Variants in NTN1 observed in about 807,000 individuals in gnomAD.
The protein encoded by NTN1 is netrin-1.
In NTN1, 11 loss-of-function variants were observed where a neutral mutation model predicts 54.2. The ratio of observed to expected loss-of-function variants is 0.20; its 90% CI spans 0.13 to 0.34. NTN1 has a LOEUF of 0.34. Among genes scored for constraint, NTN1 ranks in the 10% least tolerant of loss-of-function variants. The pLI, the probability that NTN1 is intolerant of heterozygous loss-of-function variation, is 1.00. For synonymous variants in NTN1, 371 were observed against 382.0 expected, an observed-to-expected ratio of 0.97 and a Z score of 0.33; for missense variants, 740 against 893.1, an observed-to-expected ratio of 0.83 and a Z score of 2.18.
At chr17:9,014,956 A>C in the NTN1 span, among the ~76,000 whole-genome samples, 1 of 152,224 alleles carries the variant, frequency 6.6e-6, no homozygotes, top group East Asian at 1.9e-4. Flanking sequence ...TGTGATCTTC[A>C]GCAAATTATT....
intron 5 of NTN1, among the ~76,000 whole-genome samples, chr17:9,200,407 C>T (rs558906584): frequency 4.6e-5 from 7 of 152,304 alleles, no homozygotes; most frequent in South Asian, 2.1e-4. Flanking sequence ...CTCTGCCCGC[C>T]GAGTGGGAGA....
chr17:9,092,292 T>C (rs1010114828), intron 2 of NTN1, among the ~76,000 whole-genome samples: 24 of 151,276 alleles, frequency 1.6e-4, no homozygotes, highest in Admixed American at 9.3e-4. Flanking sequence ...CTCCATTGTA[T>C]GGAGAGGCCA....
intron 2 of NTN1, among the ~76,000 whole-genome samples, chr17:9,110,819 C>A (rs528944185): frequency 6.6e-6 from 1 of 152,174 alleles, no homozygotes; most frequent in African/African-American, 2.4e-5. Flanking sequence ...GTAGCCGCAT[C>A]ATTCCGGCCT....
At chr17:9,004,569 C>T in the NTN1 span, among the ~76,000 whole-genome samples, 1 of 152,224 alleles carries the variant, frequency 6.6e-6, no homozygotes, top group African/African-American at 2.4e-5. Flanking sequence ...TGTTGCGGCA[C>T]CCCCAGCCCA....
the NTN1 span, among the ~76,000 whole-genome samples, chr17:9,016,400 A>G: frequency 6.6e-6 from 1 of 151,846 alleles, no homozygotes; most frequent in Non-Finnish European, 1.5e-5. Flanking sequence ...GAGCTGTTCC[A>G]CCTCTGGAAT....
chr17:9,142,017 C>T (rs1212079140), intron 2 of NTN1, among the ~76,000 whole-genome samples: 1 of 152,212 alleles, frequency 6.6e-6, no homozygotes, highest in African/African-American at 2.4e-5. Context: ...ATCCCAGCTA[C>T]TCAGGAGGCT....
chr17:9,120,218 G>A (rs1339560846), intron 2 of NTN1, among the ~76,000 whole-genome samples: 2 of 150,902 alleles, frequency 1.3e-5, no homozygotes, highest in African/African-American at 4.9e-5. Context: ...CCGGGAGGCA[G>A]AGCTTGCAGT....
intron 6 of NTN1, among the ~76,000 whole-genome samples, chr17:9,229,140 CTG>C (rs1905719775): frequency 1.4e-5 from 2 of 144,572 alleles, no homozygotes; most frequent in Non-Finnish European, 1.5e-5. Flanking sequence ...GAGTGTGTGA[CTG>C]TGGCTGTTTG....
chr17:9,191,333 G>A (rs932667064), intron 5 of NTN1, among the ~76,000 whole-genome samples: 2 of 152,206 alleles, frequency 1.3e-5, no homozygotes, highest in African/African-American at 4.8e-5. Flanking sequence ...GGTGGTGCAT[G>A]CCTGTAATCC....
intron 2 of NTN1, among the ~76,000 whole-genome samples, chr17:9,134,726 A>G (rs1369387322): frequency 6.6e-6 from 1 of 152,134 alleles, no homozygotes; most frequent in African/African-American, 2.4e-5. Flanking sequence ...GGACCCTTCT[A>G]GGTGCGAAGT....
In NTN1 at chr17:9,022,915, G is replaced by A. The variant is rs1401458871; in HGVS notation, c.542G>A (p.Cys181Tyr). Residue 181 changes from cysteine (C) to tyrosine (Y), a missense_variant, in exon 2 of 7, where the codon TGC (cysteine) becomes TAC (tyrosine). Physicochemically the swap from Cys to Tyr is radical, Grantham distance 194 (BLOSUM62 -2). Transcript: ENST00000173229. ...CCCTTCCAGTTCTACTCCACGCAGT[G>A]CCGCAAGATGTACAACCGGCCGCAC... Reference protein sequence around the residue: ...WVPFQFYSTQCRKMYNRPHRA... With the variant: ...WVPFQFYSTQYRKMYNRPHRA... 8 of 1,612,040 alleles carry A rather than the reference G, an allele frequency of 5.0e-6. No individual in the cohort carries two copies. In the Admixed American group the frequency reaches 1.3e-4, roughly 27 times the overall value.
At chr17:9,215,714 C>CTTG (rs990419827) in intron 5 of NTN1, among the ~76,000 whole-genome samples, 2 of 152,088 alleles carry the variant, frequency 1.3e-5, no homozygotes, top group Non-Finnish European at 2.9e-5. Flanking sequence ...ATCTCACTGG[C>CTTG]TTGTTGTTGT....
chr17:9,209,399 C>T (rs964886012), intron 5 of NTN1, among the ~76,000 whole-genome samples: 5 of 152,174 alleles, frequency 3.3e-5, no homozygotes, highest in Admixed American at 6.5e-5. Context: ...AAAGGAAAAT[C>T]GATATTGCAG....
chr17:9,006,797 A>T, the NTN1 span, among the ~76,000 whole-genome samples: 24 of 152,166 alleles, frequency 1.6e-4, no homozygotes, highest in African/African-American at 5.8e-4. Flanking sequence ...GAGTGATCAC[A>T]ATGTGTCAAG....
intron 2 of NTN1, among the ~76,000 whole-genome samples, chr17:9,099,885 TAAAC>T (rs2092144161): frequency 2.0e-5 from 3 of 152,186 alleles, no homozygotes; most frequent in African/African-American, 7.2e-5. Context: ...TTATTTTAAA[TAAAC>T]AATGTGACAA....
At chr17:9,166,571 A>G (rs1447820087) in intron 3 of NTN1, among the ~76,000 whole-genome samples, 1 of 152,036 alleles carries the variant, frequency 6.6e-6, no homozygotes, top group Non-Finnish European at 1.5e-5. Context: ...CGAACTCCTG[A>G]CTTCAGGTGA....
intron 2 of NTN1, among the ~76,000 whole-genome samples, chr17:9,113,231 C>A (rs1198557906): frequency 6.6e-6 from 1 of 151,844 alleles, no homozygotes; most frequent in African/African-American, 2.4e-5. Context: ...ACTATCTTGG[C>A]CAGGCTGGTC....
rs565954766 is a variant in NTN1 at position 9,167,371 on chromosome 17, C to G, written c.1207+4370C>G. On this transcript the variant is annotated intron_variant, in intron 3 of 6. Coordinates refer to ENST00000173229, the MANE Select transcript of NTN1 (RefSeq NM_004822.3). ...CTATTTAACCATTTCGGCCCTGCCCCCATTGATAACAATATTAATTTATCA... is the reference window on the plus strand; with the variant it reads ...CTATTTAACCATTTCGGCCCTGCCCGCATTGATAACAATATTAATTTATCA... Among the ~76,000 whole-genome samples the G allele has an allele frequency of 2.0e-5, 3 of 152,288 alleles. No individual in the cohort carries two copies. The South Asian group carries it at 6.2e-4, about 32-fold the overall frequency.
chr17:9,016,691 T>C (rs1393966325), upstream of NTN1, among the ~76,000 whole-genome samples: 1 of 152,154 alleles, frequency 6.6e-6, no homozygotes, highest in Non-Finnish European at 1.5e-5. Context: ...TCCTGTCCTG[T>C]TTTCCTTCTT....
Sources: allele counts gnomAD v4.1 joint callset (sites outside exome capture counted in the v4.1 genomes callset), GRCh38; gene constraint gnomAD v4.1.1; transcripts MANE v1.5; gene names NCBI Gene and HGNC (gene_info 2026-07-23, HGNC 2026-07-21).